Variants in PDZRN3 observed in about 807,000 individuals in gnomAD.
PDZRN3 encodes the protein E3 ubiquitin-protein ligase PDZRN3.
A neutral mutation model predicts 85.7 loss-of-function variants in PDZRN3; 38 were observed. That is an observed-to-expected ratio of 0.44 (90% CI 0.34 to 0.58). The LOEUF (loss-of-function observed/expected upper bound fraction) is 0.58, where lower values mean the gene tolerates loss of function less well. Among genes scored for constraint, PDZRN3 ranks in the 20% least tolerant of loss-of-function variants. The probability of loss-of-function intolerance (pLI) is 0.01; values close to 1 mark genes in which losing one functional copy is unlikely to be tolerated. For synonymous variants in PDZRN3, 759 were observed against 638.0 expected, an observed-to-expected ratio of 1.19 and a Z score of -2.86; for missense variants, 1,629 against 1,506.4, an observed-to-expected ratio of 1.08 and a Z score of -1.35.
chr3:73,455,727 G>A (rs551912711), intron 3 of PDZRN3, among the ~76,000 whole-genome samples: 2 of 152,314 alleles, frequency 1.3e-5, no homozygotes, highest in South Asian at 4.1e-4. Context: ...TTTTTCTCTA[G>A]CATGGAGCAA....
intron 7 of PDZRN3, among the ~76,000 whole-genome samples, chr3:73,389,186 G>A (rs1042816554): frequency 1.3e-5 from 2 of 152,078 alleles, no homozygotes; most frequent in Admixed American, 6.5e-5. Flanking sequence ...AAGCCTTGTG[G>A]ACACAATGAA....
chr3:73,482,751 G>A (rs1008443578), intron 3 of PDZRN3, among the ~76,000 whole-genome samples: 1 of 152,150 alleles, frequency 6.6e-6, no homozygotes, highest in African/African-American at 2.4e-5. Context: ...AGGACCCCAG[G>A]TTGCTATAAG....
intron 3 of PDZRN3, among the ~76,000 whole-genome samples, chr3:73,531,440 T>C (rs901739457): frequency 6.6e-6 from 1 of 152,144 alleles, no homozygotes; most frequent in African/African-American, 2.4e-5. Context: ...ATCATAACCA[T>C]GTTTGCCTGT....
chr3:73,470,604 A>G (rs1467938456), intron 3 of PDZRN3, among the ~76,000 whole-genome samples: 5 of 152,206 alleles, frequency 3.3e-5, no homozygotes, highest in African/African-American at 1.2e-4. Context: ...TGTGCTGTGG[A>G]TGCTGTTCTT....
At chr3:73,406,829 G>GAATT (rs1213601236) in intron 3 of PDZRN3, among the ~76,000 whole-genome samples, 7 of 152,164 alleles carry the variant, frequency 4.6e-5, no homozygotes, top group Admixed American at 3.3e-4. Flanking sequence ...AGAGGATGGG[G>GAATT]AATTAGAATC....
intron 3 of PDZRN3, among the ~76,000 whole-genome samples, chr3:73,479,487 C>T (rs183029289): frequency 4.2e-4 from 64 of 152,348 alleles, no homozygotes; most frequent in African/African-American, 1.4e-3. Flanking sequence ...TCCACCAGCC[C>T]GCTGTAGCTC....
chr3:73,486,919 T>C (rs1477560661), intron 3 of PDZRN3, among the ~76,000 whole-genome samples: 1 of 89,378 alleles, frequency 1.1e-5, no homozygotes, highest in African/African-American at 4.5e-5. Context: ...CTTAAACTTA[T>C]GGCCTATTAT....
At chr3:73,474,660 A>C in intron 3 of PDZRN3, 1 of 1,136,024 alleles carries the variant, frequency 8.8e-7, no homozygotes, top group South Asian at 1.8e-5. Flanking sequence ...GTACACTTTT[A>C]AGATCACAGA....
chr3:73,514,398 G>A (rs565354349), intron 3 of PDZRN3, among the ~76,000 whole-genome samples: 2 of 152,172 alleles, frequency 1.3e-5, no homozygotes, highest in Non-Finnish European at 2.9e-5. Context: ...CAAGATTTTG[G>A]TTGAGAAAAG....
intron 3 of PDZRN3, among the ~76,000 whole-genome samples, chr3:73,496,140 T>C (rs13082860): frequency 0.97 from 147,028 of 152,200 alleles, 71,196 homozygotes; most frequent in East Asian, 1. Context: ...TAAAGTGAAA[T>C]GTATGATACA....
intron 3 of PDZRN3, among the ~76,000 whole-genome samples, chr3:73,525,260 T>C (rs997342521): frequency 2.0e-5 from 3 of 152,138 alleles, no homozygotes; most frequent in Non-Finnish European, 2.9e-5. Flanking sequence ...TCCTTGCTCA[T>C]AGTTATAATT....
chr3:73,491,552 T>TC (rs1224705997), intron 3 of PDZRN3, among the ~76,000 whole-genome samples: 2 of 148,942 alleles, frequency 1.3e-5, no homozygotes, highest in African/African-American at 5.0e-5. Flanking sequence ...AGACTTCCAG[T>TC]CAACAGGAAG....
rs1049042165 is a variant in PDZRN3 at position 73,624,845 on chromosome 3, G to A, written c.-20C>T. ...GCCCATGGTGGCGGCCAGGCCCCGG[G>A]GTCGCCGCCGGGCGGCCGGGCGCCC... On this transcript the variant is annotated 5_prime_UTR_variant, in exon 1 of 10. Coordinates refer to ENST00000263666, the MANE Select transcript of PDZRN3 (RefSeq NM_015009.3). 1.6e-6 allele frequency: 2 copies of A among 1,275,916 alleles called. No homozygotes were observed. Among genetic ancestry groups the A allele is most frequent in the Non-Finnish European group, 2.0e-6 (2 of 1,013,724 alleles). The allele number at this position is 1,275,916 out of a possible 1,614,324, so 79.0% of individuals were successfully genotyped here.
At chr3:73,480,708 T>C (rs1703545768) in intron 3 of PDZRN3, among the ~76,000 whole-genome samples, 1 of 152,198 alleles carries the variant, frequency 6.6e-6, no homozygotes, top group African/African-American at 2.4e-5. Context: ...AAGTCAAGTC[T>C]TGTCTTTAAT....
In PDZRN3 at chr3:73,459,210, G is replaced by A. The variant is rs1264490858; in HGVS notation, c.919-54815C>T. On this transcript the variant is annotated intron_variant, in intron 3 of 9. Transcript: ENST00000263666. ...ACTCACTATCATAAGAACAGTACTG[G>A]GGAAACCACCCCCATAATAATTCAG... Among the ~76,000 whole-genome samples the A allele has an allele frequency of 2.0e-5, 3 of 151,988 alleles. No individual in the cohort carries two copies. In the East Asian group the frequency reaches 5.8e-4, roughly 29 times the overall value.
intron 1 of PDZRN3, among the ~76,000 whole-genome samples, chr3:73,610,210 A>C (rs1174505858): frequency 6.6e-6 from 1 of 152,244 alleles, no homozygotes; most frequent in African/African-American, 2.4e-5. Flanking sequence ...CTATAAGGAC[A>C]ACACAGCATT....
chr3:73,543,207 T>C (rs1228064645), intron 3 of PDZRN3, among the ~76,000 whole-genome samples: 1 of 152,224 alleles, frequency 6.6e-6, no homozygotes, highest in African/African-American at 2.4e-5. Context: ...GATTTGGTTT[T>C]AGCAGGCAAG....
At chr3:73,386,197 A>G (rs972087388) in intron 8 of PDZRN3, among the ~76,000 whole-genome samples, 3 of 142,108 alleles carry the variant, frequency 2.1e-5, no homozygotes, top group South Asian at 2.3e-4. Flanking sequence ...TGATACAGTA[A>G]CTAGCTGTTT....
chr3:73,459,340 T>C (rs1703054983), intron 3 of PDZRN3, among the ~76,000 whole-genome samples: 2 of 152,302 alleles, frequency 1.3e-5, no homozygotes, highest in Non-Finnish European at 1.5e-5. Flanking sequence ...TACTTTTTAA[T>C]TTTATTTTCT....
Sources: gnomAD v4.1 joint callset for allele counts (sites outside exome capture counted in the v4.1 genomes callset) on GRCh38, gnomAD v4.1.1 for gene constraint, MANE v1.5 for transcripts, NCBI Gene and HGNC (gene_info 2026-07-23, HGNC 2026-07-21) for gene names.